Variants in PLCXD1 observed in about 807,000 individuals in gnomAD.
PLCXD1 encodes the protein phosphatidylinositol specific phospholipase C X domain containing 1.
In PLCXD1, 45 loss-of-function variants were observed where a neutral mutation model predicts 37.8. That is an observed-to-expected ratio of 1.19 (90% confidence interval 0.94 to 1.53). The LOEUF (loss-of-function observed/expected upper bound fraction) is 1.53, where lower values mean the gene tolerates loss of function less well. PLCXD1 is among the 40% of genes most tolerant of loss of function. The pLI is 0.00. For synonymous variants in PLCXD1, 246 were observed against 206.9 expected (o/e 1.19, Z -1.62); for missense variants, 539 against 454.7 (o/e 1.19, Z -1.69).
At position 299,219 on chromosome X, in the gene PLCXD1, G is replaced by A; in HGVS notation, c.856G>A (p.Glu286Lys). Residue 286 changes from glutamate (E) to lysine (K), a missense_variant, in exon 7 of 7, where the codon GAG becomes AAG. By Grantham distance (56) the Glu-to-Lys change is moderately conservative. Coordinates refer to ENST00000381657, the MANE Select transcript of PLCXD1 (RefSeq NM_018390.4). ...NLPRLSAWVREQCPGPGSRCT... is the reference protein window; with the variant it reads ...NLPRLSAWVRKQCPGPGSRCT... ...TCCGCGGCTGAGCGCGTGGGTCCGA[G>A]AGCAGTGCCCGGGGCCGGGTTCACG... 6.2e-7 allele frequency: 1 copy of A among 1,613,912 alleles called. No homozygotes were observed. Among genetic ancestry groups the A allele is most frequent in the Non-Finnish European group, 8.5e-7 (1 of 1,179,862 alleles).
chrX:288,705 C>CGTG lies in PLCXD1; in HGVS notation c.128-28_128-27insGTG, dbSNP rs759897973. ...GGTGGCGGGGACGGACTCGTGGTGA[C>CGTG]ATGTCCGCGTGTGTGCTTTGCTCTC... On this transcript the variant is annotated intron_variant, in intron 2 of 6. Coordinates refer to ENST00000381657, the MANE Select transcript of PLCXD1 (RefSeq NM_018390.4). 1.2e-4 allele frequency: 190 copies of CGTG among 1,612,774 alleles called. No individual in the cohort carries two copies. The Middle Eastern group carries it at 4.7e-3, about 40-fold the overall frequency.
At chrX:278,895 C>T (rs753475739), upstream of PLCXD1, among the ~76,000 whole-genome samples, 3 of 152,230 alleles carry the variant, frequency 2.0e-5, no homozygotes, top group African/African-American at 4.8e-5. Flanking sequence ...ACGTGTAAGA[C>T]GAACCTTGGT....
chrX:295,748 C>T (rs1168272396), intron 6 of PLCXD1, among the ~76,000 whole-genome samples: 7 of 151,890 alleles, frequency 4.6e-5, no homozygotes, highest in African/African-American at 1.5e-4. Context: ...GGGCTGGTCT[C>T]GAACTCCTGA....
rs188377722 is a variant in PLCXD1, at chrX:299,182, G to C, written c.819G>C (p.Thr273=). Reference sequence around the variant, plus strand: ...CGTCCGAGTCCCTGGAGAAGATGACGCTGCCCAACCTTCCGCGGCTGAGCG... The same window carrying C: ...CGTCCGAGTCCCTGGAGAAGATGACCCTGCCCAACCTTCCGCGGCTGAGCG... ...AHPSESLEKM[T]LPNLPRLSAW... is the part of the protein sequence containing the mutation. The change falls in exon 7 of 7, where the codon ACG becomes ACC. Residue 273 remains threonine, a synonymous_variant. Coordinates refer to ENST00000381657, the MANE Select transcript of PLCXD1 (RefSeq NM_018390.4). 19 of 1,613,914 alleles carry C rather than the reference G, an allele frequency of 1.2e-5. No homozygotes were observed. The highest frequency in any genetic ancestry group is 1.4e-5 in the Non-Finnish European group (17 of 1,179,864).
chrX:294,065 G>A (rs111637784), intron 6 of PLCXD1, among the ~76,000 whole-genome samples: 41,596 of 151,874 alleles, frequency 0.27, 5,948 homozygotes, highest in African/African-American at 0.3. Flanking sequence ...AGCCAGGTGC[G>A]GTGGCTCACA....
At chrX:286,748 A>AT (rs1238094567) in intron 2 of PLCXD1, among the ~76,000 whole-genome samples, 1 of 152,228 alleles carries the variant, frequency 6.6e-6, no homozygotes, top group East Asian at 1.9e-4. Context: ...ATGGATTGAT[A>AT]TTATTTTAAC....
chrX:281,979 C>T (rs764065390), intron 1 of PLCXD1, among the ~76,000 whole-genome samples: 100 of 152,160 alleles, frequency 6.6e-4, no homozygotes, highest in African/African-American at 2.2e-3. Flanking sequence ...AACCCCTGAC[C>T]TCAGGTGATC....
rs969636558 is a variant in PLCXD1 at position 302,900 on chromosome X, G to A, written c.*3565G>A. On this transcript the variant is annotated 3_prime_UTR_variant, in exon 7 of 7. Transcript: ENST00000381657. ...ATACCTCATTTTCTACATGTCGCTT[G>A]TTGGAGCTGCTGGTTCAAGTTCCCA... The A allele has an allele frequency of 2.6e-5, 4 of 152,158 alleles. No homozygotes were observed. Among genetic ancestry groups the A allele is most frequent in the Non-Finnish European group, 5.9e-5 (4 of 68,036 alleles). The allele number at this position is 152,158 out of a possible 1,614,324, so 9.4% of individuals were successfully genotyped here.
rs1296303146 is a variant in PLCXD1, at chrX:300,594, ATGTATATGTG to A, written c.*1265_*1274del. 8 of 150,976 alleles carry A rather than the reference ATGTATATGTG, an allele frequency of 5.3e-5. No homozygotes were observed. Among genetic ancestry groups the A allele is most frequent in the African/African-American group, 9.7e-5 (4 of 41,188 alleles). The allele number at this position is 150,976 out of a possible 1,614,324, so 9.4% of individuals were successfully genotyped here. On this transcript the variant is annotated 3_prime_UTR_variant, in exon 7 of 7. Coordinates refer to ENST00000381657, the MANE Select transcript of PLCXD1 (RefSeq NM_018390.4). ...TGTGTACATGTATATGTGTTTATAC[ATGTATATGTG>A]TGTATGCGTGTATACGTGTATGTAT...
At chrX:294,262 C>G (rs2069729663) in intron 6 of PLCXD1, among the ~76,000 whole-genome samples, 2 of 151,930 alleles carry the variant, frequency 1.3e-5, no homozygotes, top group Admixed American at 1.3e-4. Flanking sequence ...GCGGGCGGAT[C>G]ATGAGGTCAG....
chrX:292,843 C>T (rs1469674079), intron 5 of PLCXD1, among the ~76,000 whole-genome samples, 192 bp from the exon 6 acceptor site: 3 of 152,006 alleles, frequency 2.0e-5, no homozygotes, highest in Non-Finnish European at 2.9e-5. Context: ...AAACTCCTGA[C>T]CTCAGGTGAT....
In PLCXD1 at chrX:284,222, C is replaced by G; in HGVS notation, c.35C>G (p.Ser12Trp). 2 of 1,613,510 alleles carry G rather than the reference C, an allele frequency of 1.2e-6. No homozygotes were observed. Among genetic ancestry groups the G allele is most frequent in the Middle Eastern group, 1.7e-4 (1 of 5,764 alleles). ...GGQVSASNSFSRLHCRNANED... is the reference protein window; with the variant it reads ...GGQVSASNSFWRLHCRNANED... ...CAGGTGAGCGCTTCCAACAGCTTCT[C>G]GAGGCTGCACTGCAGAAATGCCAAC... The change falls in exon 2 of 7, where the codon TCG (serine) becomes TGG (tryptophan). Residue 12 changes from serine to tryptophan, a missense_variant. Physicochemically the swap from Ser to Trp is radical, Grantham distance 177. Transcript: ENST00000381657.
Position 290,714 on chromosome X carries a change from C to G in PLCXD1, c.331C>G (p.Leu111Val), listed in dbSNP as rs1425714787. 1 of 1,613,606 alleles carries G rather than the reference C, an allele frequency of 6.2e-7. No homozygotes were observed. Among genetic ancestry groups the G allele is most frequent in the Non-Finnish European group, 8.5e-7 (1 of 1,179,740 alleles). The change falls in exon 4 of 7, where the codon CTG (leucine) becomes GTG (valine). Residue 111 changes from leucine (L) to valine (V), a missense_variant. Leu to Val is a conservative substitution (Grantham distance 32, BLOSUM62 1). Coordinates refer to ENST00000381657, the MANE Select transcript of PLCXD1 (RefSeq NM_018390.4). Reference protein sequence around the residue: ...RYLDLRIAHMLEGSEKNLHFV... With the variant: ...RYLDLRIAHMVEGSEKNLHFV... ...CCTGGACCTGCGGATAGCCCACATG[C>G]TGGAGGGCTCGGAGAAGAACCTGCA...
upstream of PLCXD1, among the ~76,000 whole-genome samples, chrX:279,558 A>T (rs376281559): frequency 6.6e-6 from 1 of 152,112 alleles, no homozygotes; most frequent in East Asian, 1.9e-4. Flanking sequence ...GATCACCTGA[A>T]GTCAGGAGTT....
intron 5 of PLCXD1, among the ~76,000 whole-genome samples, chrX:292,392 G>A (rs764219932): frequency 6.6e-6 from 1 of 152,172 alleles, no homozygotes; most frequent in Admixed American, 6.5e-5. Context: ...CCGGGGGGTG[G>A]AGGTTGCAGT....
upstream of PLCXD1, chrX:281,233 T>C (rs1397764181): frequency 8.7e-6 from 2 of 230,136 alleles, no homozygotes; most frequent in African/African-American, 2.4e-5. Flanking sequence ...AGCTCCCTCC[T>C]GGGGACCCGG....
At chrX:276,713 C>T (rs1489384692), upstream of PLCXD1, among the ~76,000 whole-genome samples, 4 of 152,166 alleles carry the variant, frequency 2.6e-5, no homozygotes. Flanking sequence ...GGGGCCACGA[C>T]TTGCTTGGCC....
chrX:299,161 C>G lies in PLCXD1; in HGVS notation c.798C>G (p.Ser266=), dbSNP rs144874603. The change falls in exon 7 of 7, where the codon TCC becomes TCG. Residue 266 remains serine, a synonymous_variant. Transcript: ENST00000381657. Reference sequence around the variant, plus strand: ...TGCAGTACGTTCTGGCGCACCCGTCCGAGTCCCTGGAGAAGATGACGCTGC... The same window carrying G: ...TGCAGTACGTTCTGGCGCACCCGTCGGAGTCCCTGGAGAAGATGACGCTGC... ...ENLQYVLAHP[S]ESLEKMTLPN... The G allele has an allele frequency of 1.9e-4, 306 of 1,613,824 alleles. No individual in the cohort carries two copies. The African/African-American group carries it at 3.4e-3, about 18-fold the overall frequency.
At position 291,665 on chromosome X, in the gene PLCXD1, G is replaced by C. The variant is rs753718387; in HGVS notation, c.549+11G>C. 6.8e-6 allele frequency: 11 copies of C among 1,611,936 alleles called. No individual in the cohort carries two copies. Among genetic ancestry groups the C allele is most frequent in the Non-Finnish European group, 8.5e-6 (10 of 1,179,466 alleles). ...CTGTGTCCTCGTGGGGTGAGGAGGGGAAGGATATCCGCACGTCTCTCCCGG... is the reference window on the plus strand; with the variant it reads ...CTGTGTCCTCGTGGGGTGAGGAGGGCAAGGATATCCGCACGTCTCTCCCGG... On this transcript the variant is annotated intron_variant, in intron 5 of 6. Coordinates refer to ENST00000381657, the MANE Select transcript of PLCXD1 (RefSeq NM_018390.4).
Sources: allele counts gnomAD v4.1 joint callset (sites outside exome capture counted in the v4.1 genomes callset), GRCh38; gene constraint gnomAD v4.1.1; transcripts MANE v1.5; gene names NCBI Gene and HGNC (gene_info 2026-07-23, HGNC 2026-07-21).